The following GOLGA1 variants were observed in gnomAD, a reference collection of about 807,000 sequenced individuals.
The protein encoded by GOLGA1 is golgin A1.
Under a neutral mutation model 119.7 loss-of-function variants are expected in GOLGA1, and 63 were observed. The ratio of observed to expected loss-of-function variants is 0.53; its 90% CI spans 0.43 to 0.65. GOLGA1 has a LOEUF of 0.65. Ranked by LOEUF, GOLGA1 falls within the 30% of genes least tolerant of loss-of-function variation. The pLI, the probability that GOLGA1 is intolerant of heterozygous loss-of-function variation, is 0.00. For missense variants in GOLGA1, 798 were observed against 912.8 expected, an observed-to-expected ratio of 0.87 and a Z score of 1.62; for synonymous variants, 318 against 333.4, an observed-to-expected ratio of 0.95 and a Z score of 0.50.
intron 7 of GOLGA1, among the ~76,000 whole-genome samples, chr9:124,924,644 A>AAG (rs1453878289): frequency 6.6e-6 from 1 of 151,306 alleles, no homozygotes; most frequent in African/African-American, 2.4e-5. Flanking sequence ...CTCAAAAAAA[A>AAG]AAAAAAAGAA....
intron 2 of GOLGA1, among the ~76,000 whole-genome samples, chr9:124,939,453 A>G (rs1277767895): frequency 6.6e-6 from 1 of 151,508 alleles, no homozygotes; most frequent in Non-Finnish European, 1.5e-5. Context: ...AGACAACTCT[A>G]TTATATAAGT....
chr9:124,914,748 A>G (rs1830409225), intron 10 of GOLGA1, among the ~76,000 whole-genome samples: 1 of 152,250 alleles, frequency 6.6e-6, no homozygotes, highest in African/African-American at 2.4e-5. Context: ...CCTATTAGCG[A>G]TAGATGAAGA....
intron 3 of GOLGA1, among the ~76,000 whole-genome samples, chr9:124,931,986 G>A (rs2131524833): frequency 6.6e-6 from 1 of 152,244 alleles, no homozygotes; most frequent in South Asian, 2.1e-4. Context: ...TACTACTATT[G>A]CTATAGGCAC....
chr9:124,930,052 T>C (rs1452211320), intron 4 of GOLGA1, among the ~76,000 whole-genome samples: 1 of 152,184 alleles, frequency 6.6e-6, no homozygotes, highest in African/African-American at 2.4e-5. Context: ...CTTAAGTGCT[T>C]TGCACACAGT....
chr9:124,900,427 T>C (rs745977231), intron 13 of GOLGA1, 25 bp downstream of exon 13: 2 of 1,145,162 alleles, frequency 1.7e-6, no homozygotes, highest in Non-Finnish European at 1.3e-6. Flanking sequence ...GGGCCTGGAA[T>C]GCAGCAGCTC....
At chr9:124,935,626 T>C (rs1830848630) in intron 3 of GOLGA1, among the ~76,000 whole-genome samples, 1 of 151,842 alleles carries the variant, frequency 6.6e-6, no homozygotes, top group African/African-American at 2.4e-5. Flanking sequence ...TGAAACCTCA[T>C]CTCTACTAAA....
At chr9:124,930,230 GT>G (rs1178315905) in intron 4 of GOLGA1, among the ~76,000 whole-genome samples, 1 of 152,042 alleles carries the variant, frequency 6.6e-6, no homozygotes. Flanking sequence ...TATGGGGAAG[GT>G]ATATATATTA....
intron 3 of GOLGA1, among the ~76,000 whole-genome samples, chr9:124,932,277 C>A (rs1459979649): frequency 6.6e-6 from 1 of 152,166 alleles, no homozygotes; most frequent in East Asian, 1.9e-4. Context: ...ATACTAACAT[C>A]CAGTCCTTAA....
At chr9:124,909,608 CAAAAA>C (rs58372596) in intron 11 of GOLGA1, among the ~76,000 whole-genome samples, 3 of 87,286 alleles carry the variant, frequency 3.4e-5, no homozygotes, top group African/African-American at 1.3e-4. Context: ...GACTCCGTCT[CAAAAA>C]AAAAAAAAAA....
At position 124,889,459 on chromosome 9, in the gene GOLGA1, C is replaced by T. The variant is rs992510467; in HGVS notation, c.1575G>A (p.Glu525=). Reference sequence around the variant, plus strand: ...CTCGCTCCAGCTGGAGAATCTCCTGCTCTTTCTGGAGAAGCACTTCGGTTT... The same window carrying T: ...CTCGCTCCAGCTGGAGAATCTCCTGTTCTTTCTGGAGAAGCACTTCGGTTT... The part of the protein sequence containing the change: ...REKTEVLLQK[E]QEILQLERGH... Residue 525 remains glutamate (E), a synonymous_variant, in exon 17 of 23, where the codon GAG becomes GAA. Transcript: ENST00000373555. 2.5e-6 allele frequency: 4 copies of T among 1,613,630 alleles called. No homozygotes were observed. The highest frequency in any genetic ancestry group is 2.7e-5 in the African/African-American group (2 of 75,042).
intron 19 of GOLGA1, 52 bp from the exon 20 acceptor site, chr9:124,882,621 C>CA (rs1246251837): frequency 1.1e-5 from 16 of 1,429,540 alleles, no homozygotes; most frequent in African/African-American, 1.4e-5. Flanking sequence ...CATGTTTCAC[C>CA]AAAGGAAACA....
chr9:124,882,361 C>A, intron 20 of GOLGA1, 149 bp downstream of exon 20: 1 of 645,160 alleles, frequency 1.5e-6, no homozygotes, highest in South Asian at 1.8e-5. Context: ...GGCTGTCCCA[C>A]CAGCTAACGT....
upstream of GOLGA1, among the ~76,000 whole-genome samples, chr9:124,942,358 C>G (rs145647264): frequency 2.2e-3 from 335 of 152,348 alleles, 2 homozygotes; most frequent in African/African-American, 7.7e-3. Flanking sequence ...TTAAGGAACT[C>G]TGGTTCCATC....
intron 14 of GOLGA1, among the ~76,000 whole-genome samples, chr9:124,899,082 G>C (rs1015643195): frequency 2.6e-5 from 4 of 152,162 alleles, no homozygotes; most frequent in African/African-American, 9.6e-5. Context: ...TGTAGTCCCA[G>C]CTACTTGGGA....
intron 10 of GOLGA1, among the ~76,000 whole-genome samples, chr9:124,914,226 G>A (rs188985336): frequency 6.5e-4 from 99 of 152,282 alleles, no homozygotes; most frequent in Middle Eastern, 3.4e-3. Flanking sequence ...GGCTGGGCGT[G>A]GTGGCTCACG....
intron 19 of GOLGA1, among the ~76,000 whole-genome samples, chr9:124,884,968 A>C (rs1829684412): frequency 6.6e-6 from 1 of 152,090 alleles, no homozygotes; most frequent in Admixed American, 6.6e-5. Flanking sequence ...GAGCCAAGGC[A>C]GGCGGATCAC....
chr9:124,889,142 C>T lies in GOLGA1; in HGVS notation c.1761+1G>A, dbSNP rs774478401. The T allele has an allele frequency of 3.7e-6, 6 of 1,605,356 alleles. No individual in the cohort carries two copies. Among genetic ancestry groups the T allele is most frequent in the East Asian group, 2.2e-5 (1 of 44,788 alleles). ...CCCATGCAGGTGCAGCTGGGACTTA[C>T]GTGCGACTCATTGACTGAGAGTGCT... is the stretch of plus-strand genomic sequence containing the variant. On this transcript the variant is annotated splice_donor_variant, in intron 18 of 22. Coordinates refer to ENST00000373555, the MANE Select transcript of GOLGA1 (RefSeq NM_002077.4). LOFTEE classifies it high-confidence loss of function.
chr9:124,917,109 G>A (rs1042373428), intron 10 of GOLGA1, among the ~76,000 whole-genome samples: 3 of 151,990 alleles, frequency 2.0e-5, no homozygotes. Context: ...GGAAACTAAA[G>A]AAGATAGTTT....
chr9:124,935,910 G>A (rs1005077186), intron 3 of GOLGA1, among the ~76,000 whole-genome samples: 9 of 152,080 alleles, frequency 5.9e-5, no homozygotes, highest in African/African-American at 2.2e-4. Context: ...ATTTGGAGAT[G>A]GAAATAATGA....
Sources: allele counts gnomAD v4.1 joint callset (sites outside exome capture counted in the v4.1 genomes callset), GRCh38; gene constraint gnomAD v4.1.1; transcripts MANE v1.5; gene names NCBI Gene and HGNC (gene_info 2026-07-23, HGNC 2026-07-21).